The following ANKRD30BL variants were observed in gnomAD, a reference collection of about 807,000 sequenced individuals.
ANKRD30BL encodes the protein ankyrin repeat domain 30B like, also known as putative ankyrin repeat domain-containing protein 30B-like.
A neutral mutation model predicts 18.4 loss-of-function variants in ANKRD30BL; 20 were observed. The ratio of observed to expected loss-of-function variants is 1.09; its 90% CI spans 0.77 to 1.58. The LOEUF (loss-of-function observed/expected upper bound fraction) is 1.58, where lower values mean the gene tolerates loss of function less well. Among genes scored for constraint, ANKRD30BL ranks in the 40% most tolerant of loss-of-function variants. The pLI, the probability that ANKRD30BL is intolerant of heterozygous loss-of-function variation, is 0.00. For missense variants in ANKRD30BL, 224 were observed against 268.6 expected, an observed-to-expected ratio of 0.83 and a Z score of 1.16; for synonymous variants, 72 against 100.9, an observed-to-expected ratio of 0.71 and a Z score of 1.72.
intron 1 of ANKRD30BL, among the ~76,000 whole-genome samples, chr2:132,238,429 CT>C (rs1680221332): frequency 6.6e-6 from 1 of 151,416 alleles, no homozygotes; most frequent in African/African-American, 2.4e-5. Context: ...GATGCCTTCT[CT>C]GGGAACGGGT....
intron 1 of ANKRD30BL, among the ~76,000 whole-genome samples, chr2:132,206,940 C>G (rs1246275308): frequency 6.6e-6 from 1 of 152,262 alleles, no homozygotes; most frequent in African/African-American, 2.4e-5. Context: ...TTCTCTACCT[C>G]CATCCTCACA....
At chr2:132,154,219 C>T (rs1687841452) in intron 4 of ANKRD30BL, among the ~76,000 whole-genome samples, 1 of 152,090 alleles carries the variant, frequency 6.6e-6, no homozygotes, top group Admixed American at 6.6e-5. Context: ...ACACACTTGG[C>T]CTCTCAAAGT....
At chr2:132,178,336 AG>A (rs1244702568) in intron 1 of ANKRD30BL, among the ~76,000 whole-genome samples, 1 of 152,234 alleles carries the variant, frequency 6.6e-6, no homozygotes, top group East Asian at 1.9e-4. Flanking sequence ...GTTCCAATAA[AG>A]GTTCAGGGAC....
intron 1 of ANKRD30BL, among the ~76,000 whole-genome samples, chr2:132,192,804 A>G (rs1181460565): frequency 6.6e-6 from 1 of 152,216 alleles, no homozygotes; most frequent in Non-Finnish European, 1.5e-5. Flanking sequence ...TGCAAGAATG[A>G]CTCTGAAAGA....
At chr2:132,222,977 C>A (rs1192543298) in intron 1 of ANKRD30BL, among the ~76,000 whole-genome samples, 5 of 150,912 alleles carry the variant, frequency 3.3e-5, no homozygotes, top group African/African-American at 1.2e-4. Flanking sequence ...TCAGAAACTT[C>A]TTTCTGATGT....
intron 1 of ANKRD30BL, among the ~76,000 whole-genome samples, chr2:132,240,056 C>G (rs199831978): frequency 1.3e-5 from 2 of 148,664 alleles, no homozygotes; most frequent in East Asian, 2.0e-4. Context: ...GTTGAACATT[C>G]CTTTTCATAG....
At chr2:132,216,492 T>A (rs1466526766) in intron 1 of ANKRD30BL, among the ~76,000 whole-genome samples, 2 of 150,794 alleles carry the variant, frequency 1.3e-5, no homozygotes, top group African/African-American at 4.9e-5. Context: ...GACATTTTGT[T>A]CGCTTTGAGG....
chr2:132,221,705 C>T (rs1679691360), intron 1 of ANKRD30BL, among the ~76,000 whole-genome samples: 1 of 116,446 alleles, frequency 8.6e-6, no homozygotes, highest in African/African-American at 4.5e-5. Flanking sequence ...GGGATCAGCC[C>T]CCTGCCTGGC....
chr2:132,156,583 A>T (rs2104925147), intron 3 of ANKRD30BL: 1 of 154,034 alleles, frequency 6.5e-6, no homozygotes, highest in South Asian at 2.0e-4. Flanking sequence ...GGCTCAAAAG[A>T]CACAAGATTC....
chr2:132,253,654 C>T (rs1680730566), intron 1 of ANKRD30BL, among the ~76,000 whole-genome samples: 1 of 152,044 alleles, frequency 6.6e-6, no homozygotes, highest in Admixed American at 6.5e-5. Flanking sequence ...ACGGAGTCGG[C>T]AGGGGAGGCG....
At chr2:132,221,692 G>C (rs1334445457) in intron 1 of ANKRD30BL, among the ~76,000 whole-genome samples, 3 of 117,438 alleles carry the variant, frequency 2.6e-5, no homozygotes, top group South Asian at 2.7e-4. Context: ...GGAGGGAGGT[G>C]GGGGGATCAG....
intron 1 of ANKRD30BL, among the ~76,000 whole-genome samples, chr2:132,167,186 C>T (rs1177554277): frequency 6.6e-6 from 1 of 151,470 alleles, no homozygotes; most frequent in Admixed American, 6.6e-5. Context: ...GTTTATGGCC[C>T]ATAATGCAGT....
chr2:132,178,633 T>C (rs1688404100), intron 1 of ANKRD30BL, among the ~76,000 whole-genome samples: 1 of 152,124 alleles, frequency 6.6e-6, no homozygotes, highest in Non-Finnish European at 1.5e-5. Context: ...TTTATGTTTT[T>C]TTTTTGAGCA....
intron 1 of ANKRD30BL, among the ~76,000 whole-genome samples, chr2:132,245,458 G>T (rs199650097): frequency 2.6e-5 from 4 of 151,096 alleles, no homozygotes; most frequent in Non-Finnish European, 5.9e-5. Flanking sequence ...AGAAAAACTA[G>T]ACAGAAGCAT....
chr2:132,252,854 G>A (rs953508543), intron 1 of ANKRD30BL, among the ~76,000 whole-genome samples: 4 of 152,202 alleles, frequency 2.6e-5, no homozygotes, highest in African/African-American at 9.6e-5. Context: ...GAGGAACCCA[G>A]ACCGTGATGG....
chr2:132,204,644 A>G (rs959132766), intron 1 of ANKRD30BL, among the ~76,000 whole-genome samples: 4 of 152,250 alleles, frequency 2.6e-5, no homozygotes, highest in Admixed American at 6.6e-5. Context: ...GCAGCAACAC[A>G]GAAGAGAAAT....
At chr2:132,212,355 C>T (rs1411226815) in intron 1 of ANKRD30BL, among the ~76,000 whole-genome samples, 2 of 151,940 alleles carry the variant, frequency 1.3e-5, no homozygotes, top group East Asian at 3.9e-4. Context: ...TATGTGCATG[C>T]ATCTCACAGA....
At chr2:132,191,603 G>C (rs1445341788) in intron 1 of ANKRD30BL, among the ~76,000 whole-genome samples, 1 of 152,022 alleles carries the variant, frequency 6.6e-6, no homozygotes, top group Non-Finnish European at 1.5e-5. Flanking sequence ...TGATTTTTAA[G>C]TTCCATTCCC....
intron 1 of ANKRD30BL, among the ~76,000 whole-genome samples, chr2:132,198,304 CTTTCTTTCTTTCTTTCTTTCTT>C (rs1679011611): frequency 8.4e-5 from 1 of 11,960 alleles, no homozygotes; most frequent in Admixed American, 6.0e-4. Flanking sequence ...TTCTTTCTTT[CTTTCTTTCTTTCTTTCTTTCTT>C]TTTTTTTTTT....
Sources: gnomAD v4.1 joint callset for allele counts (sites outside exome capture counted in the v4.1 genomes callset) on GRCh38, gnomAD v4.1.1 for gene constraint, MANE v1.5 for transcripts, NCBI Gene and HGNC (gene_info 2026-07-23, HGNC 2026-07-21) for gene names.